ITGBL1: variants seen among roughly 807,000 people sequenced by gnomAD.
ITGBL1 encodes integrin subunit beta like 1, also known as integrin beta-like protein 1.
ITGBL1 carries 51 observed loss-of-function variants against 68.5 expected under a neutral mutation model. The observed-to-expected ratio is 0.74, with a 90% CI of 0.59 to 0.94. ITGBL1 has a LOEUF of 0.94. Ranked by LOEUF, ITGBL1 falls within the 40% of genes least tolerant of loss-of-function variation. The pLI is 0.00. For missense variants in ITGBL1, 649 were observed against 647.4 expected, an observed-to-expected ratio of 1.00 and a Z score of -0.03; for synonymous variants, 209 against 227.3, an observed-to-expected ratio of 0.92 and a Z score of 0.72.
intron 7 of ITGBL1, among the ~76,000 whole-genome samples, chr13:101,607,693 C>T (rs2030936687): frequency 6.6e-6 from 1 of 152,020 alleles, no homozygotes; most frequent in African/African-American, 2.4e-5. Context: ...GTGTGCTCTC[C>T]TGCCGGGGGC....
At chr13:101,492,032 T>C (rs1043589577) in intron 2 of ITGBL1, among the ~76,000 whole-genome samples, 2 of 152,200 alleles carry the variant, frequency 1.3e-5, no homozygotes, top group African/African-American at 4.8e-5. Flanking sequence ...CAGTCTATCA[T>C]TGATGGGCAT....
At chr13:101,583,378 GT>G in intron 6 of ITGBL1, 22 bp downstream of exon 6, 1 of 1,383,868 alleles carries the variant, frequency 7.2e-7, no homozygotes, top group Non-Finnish European at 9.5e-7. Flanking sequence ...TCCAATTCCT[GT>G]TTTTCTGGAG....
intron 2 of ITGBL1, among the ~76,000 whole-genome samples, chr13:101,539,050 C>CTTTT (rs35288585): frequency 1.5e-3 from 148 of 99,346 alleles, no homozygotes; most frequent in Non-Finnish European, 1.7e-3. Flanking sequence ...TGTGCTGCTT[C>CTTTT]TTTTTTTTTT....
At chr13:101,667,404 G>A (rs552104180) in intron 7 of ITGBL1, among the ~76,000 whole-genome samples, 56 of 151,970 alleles carry the variant, frequency 3.7e-4, no homozygotes, top group African/African-American at 1.3e-3. Context: ...AAGTCTGCTT[G>A]GAGATTATTT....
Position 101,715,727 on chromosome 13 carries a change from G to A in ITGBL1, c.*73G>A. 1 of 954,038 alleles carries A rather than the reference G, an allele frequency of 1.0e-6. No individual in the cohort carries two copies. The highest frequency in any genetic ancestry group is 1.7e-6 in the Non-Finnish European group (1 of 579,384). The allele number at this position is 954,038 out of a possible 1,614,324, so 59.1% of individuals were successfully genotyped here. Reference sequence around the variant, plus strand: ...AACAGATAAATGCGAAGGAAACCATGTATATTCACCACTAGGACAGGTTAA... The same window carrying A: ...AACAGATAAATGCGAAGGAAACCATATATATTCACCACTAGGACAGGTTAA... On this transcript the variant is annotated 3_prime_UTR_variant, in exon 11 of 11. Transcript: ENST00000376180.
intron 7 of ITGBL1, among the ~76,000 whole-genome samples, chr13:101,633,892 A>C (rs896279325): frequency 9.9e-5 from 15 of 152,136 alleles, no homozygotes; most frequent in Non-Finnish European, 2.1e-4. Context: ...TTTTTCTCAA[A>C]TCATAGGGGA....
intron 7 of ITGBL1, among the ~76,000 whole-genome samples, chr13:101,613,876 A>G (rs1312953742): frequency 1.3e-5 from 2 of 152,294 alleles, no homozygotes; most frequent in Non-Finnish European, 2.9e-5. Flanking sequence ...GCAGGGTTGT[A>G]TAACAGGCAC....
intron 9 of ITGBL1, chr13:101,712,668 C>T (rs1401247096): frequency 6.6e-6 from 1 of 152,162 alleles, no homozygotes; most frequent in Non-Finnish European, 1.5e-5. Flanking sequence ...AGTATGGTGC[C>T]TTTCGAGGAA....
At chr13:101,681,045 C>T (rs564267556) in intron 7 of ITGBL1, among the ~76,000 whole-genome samples, 1 of 152,258 alleles carries the variant, frequency 6.6e-6, no homozygotes, top group South Asian at 2.1e-4. Flanking sequence ...AAACATCCTT[C>T]TTTCTTTTGT....
intron 2 of ITGBL1, among the ~76,000 whole-genome samples, chr13:101,484,819 A>T (rs2048677439): frequency 6.6e-6 from 1 of 152,154 alleles, no homozygotes; most frequent in African/African-American, 2.4e-5. Flanking sequence ...TGAAGAAATA[A>T]TAATGAAAAT....
At chr13:101,641,480 TG>T (rs1287650962) in intron 7 of ITGBL1, among the ~76,000 whole-genome samples, 2 of 151,900 alleles carry the variant, frequency 1.3e-5, no homozygotes, top group African/African-American at 4.8e-5. Context: ...TTCTCAATTT[TG>T]GGGTGTACTC....
rs184806165 is a variant in ITGBL1, at chr13:101,500,618, A to T, written c.316+46518A>T. 1.8e-4 allele frequency among the ~76,000 whole-genome samples: 28 copies of T among 152,350 alleles called. No individual in the cohort carries two copies. In the East Asian group the frequency reaches 4.4e-3, roughly 24 times the overall value. On this transcript the variant is annotated intron_variant, in intron 2 of 10. Transcript: ENST00000376180. ...GAGCAGATTTACCCATTGGTAAAGG[A>T]AACTGCCCCTTCTCTGATATTGGGT...
intron 2 of ITGBL1, among the ~76,000 whole-genome samples, chr13:101,528,698 A>G (rs2049422831): frequency 5.9e-5 from 9 of 151,990 alleles, no homozygotes. Context: ...ATGTTCTGTC[A>G]AAGTCGTTAA....
intron 7 of ITGBL1, among the ~76,000 whole-genome samples, chr13:101,679,186 G>A (rs141651417): frequency 0.015 from 2,270 of 152,210 alleles, 69 homozygotes; most frequent in African/African-American, 0.053. Flanking sequence ...GATTACAGGC[G>A]TGAGCCACCG....
At chr13:101,534,520 G>C (rs1002400310) in intron 2 of ITGBL1, among the ~76,000 whole-genome samples, 1 of 152,110 alleles carries the variant, frequency 6.6e-6, no homozygotes. Context: ...GCAGTTTCCT[G>C]TTTCCTCTAA....
In ITGBL1 at chr13:101,692,654, AGTGTGATGATCGCCGCT is replaced by A. The variant is rs762877599; in HGVS notation, c.1089_1105del (p.Cys363Ter). The A allele has an allele frequency of 2.0e-5, 32 of 1,613,688 alleles. No homozygotes were observed. Among genetic ancestry groups the A allele is most frequent in the Non-Finnish European group, 2.6e-5 (31 of 1,179,816 alleles). On this transcript the variant is annotated frameshift_variant, in exon 8 of 11. Transcript: ENST00000376180. LOFTEE classifies it high-confidence loss of function. ...CGCCGGGTGTATGGCAAGACTTGTG[AGTGTGATGATCGCCGCT>A]GTGAAGACCTCGATGGTGTGGTCTG...
At chr13:101,716,897 T>C (rs1451982782), downstream of ITGBL1, 1 of 152,200 alleles carries the variant, frequency 6.6e-6, no homozygotes, top group Non-Finnish European at 1.5e-5. Context: ...TTGCTTTGTA[T>C]GAAATTCACA....
At chr13:101,529,139 C>A (rs544883648) in intron 2 of ITGBL1, among the ~76,000 whole-genome samples, 2 of 150,102 alleles carry the variant, frequency 1.3e-5, no homozygotes, top group Non-Finnish European at 1.5e-5. Flanking sequence ...TAAGAAAAAC[C>A]GAAGTTGAAA....
intron 2 of ITGBL1, among the ~76,000 whole-genome samples, chr13:101,459,221 G>A (rs1352305531): frequency 1.3e-5 from 2 of 152,204 alleles, no homozygotes; most frequent in African/African-American, 2.4e-5. Flanking sequence ...GTTTGGGGCA[G>A]GATGGGAATC....
Sources: allele counts gnomAD v4.1 joint callset (sites outside exome capture counted in the v4.1 genomes callset), GRCh38; gene constraint gnomAD v4.1.1; transcripts MANE v1.5; gene names NCBI Gene and HGNC (gene_info 2026-07-23, HGNC 2026-07-21).